Variants in OXR1 observed in about 807,000 individuals in gnomAD.
OXR1 encodes the protein oxidation resistance 1, also known as oxidation resistance protein 1.
In OXR1, 41 loss-of-function variants were observed where a neutral mutation model predicts 104.6. The observed-to-expected ratio is 0.39, with a 90% CI of 0.31 to 0.51. The LOEUF is 0.51. Ranked by LOEUF, OXR1 falls within the 20% of genes least tolerant of loss-of-function variation. The pLI is 0.77. For synonymous variants in OXR1, 348 were observed against 348.4 expected (o/e 1.00, Z 0.01); for missense variants, 955 against 1,031.9 (o/e 0.93, Z 1.02).
intron 2 of OXR1, among the ~76,000 whole-genome samples, chr8:106,407,393 A>G (rs1818285841): frequency 6.6e-6 from 1 of 152,204 alleles, no homozygotes; most frequent in African/African-American, 2.4e-5. Context: ...CTAACTTATT[A>G]GAATTGCTGT....
chr8:106,530,784 G>A (rs376916384), intron 3 of OXR1, among the ~76,000 whole-genome samples: 45 of 152,192 alleles, frequency 3.0e-4, no homozygotes, highest in African/African-American at 1.1e-3. Flanking sequence ...GAAATTTTGT[G>A]ATCATCTGAA....
chr8:106,532,717 C>A (rs1408356211), intron 3 of OXR1, among the ~76,000 whole-genome samples: 1 of 152,160 alleles, frequency 6.6e-6, no homozygotes, highest in African/African-American at 2.4e-5. Flanking sequence ...GCTGTGATTT[C>A]AGGCTTTAAA....
intron 2 of OXR1, among the ~76,000 whole-genome samples, chr8:106,473,443 C>T (rs1294486799): frequency 1.3e-5 from 2 of 151,680 alleles, no homozygotes; most frequent in Non-Finnish European, 1.5e-5. Context: ...CTCATGTTTT[C>T]GTTAGAAAAA....
intron 2 of OXR1, among the ~76,000 whole-genome samples, chr8:106,427,895 T>C (rs1461493856): frequency 6.6e-6 from 1 of 152,236 alleles, no homozygotes; most frequent in Admixed American, 6.5e-5. Context: ...TATTAGCATC[T>C]GTAGCATTCA....
At position 106,359,511 on chromosome 8, in the gene OXR1, C is replaced by A; in HGVS notation, c.-103C>A. The A allele has an allele frequency of 1.3e-6, 1 of 799,618 alleles. No individual in the cohort carries two copies. Among genetic ancestry groups the A allele is most frequent in the Admixed American group, 2.0e-5 (1 of 49,472 alleles). The allele number at this position is 799,618 out of a possible 1,614,324, so 49.5% of individuals were successfully genotyped here. ...ACTGTGAGTAACTAAGTGGTTTGTG[C>A]ATCATTCCAGAAGCAAAGCTAAAAT... On this transcript the variant is annotated 5_prime_UTR_variant, in exon 2 of 17. Transcript: ENST00000517566.
intron 2 of OXR1, among the ~76,000 whole-genome samples, chr8:106,463,207 C>A (rs900961888): frequency 1.3e-5 from 2 of 152,040 alleles, no homozygotes; most frequent in African/African-American, 4.8e-5. Context: ...AAGCTCGATG[C>A]TCTCCTTACT....
intron 1 of OXR1, among the ~76,000 whole-genome samples, chr8:106,346,858 T>A (rs888455853): frequency 6.6e-6 from 1 of 152,076 alleles, no homozygotes; most frequent in Admixed American, 6.5e-5. Context: ...GCTAACACGG[T>A]GAAACCCCGT....
chr8:106,648,324 C>T (rs1824255707), intron 3 of OXR1, among the ~76,000 whole-genome samples: 1 of 152,120 alleles, frequency 6.6e-6, no homozygotes, highest in Non-Finnish European at 1.5e-5. Context: ...CCAATGTAAA[C>T]AAGCAATCAA....
At chr8:106,614,028 G>C (rs1248848476) in intron 3 of OXR1, among the ~76,000 whole-genome samples, 1 of 152,174 alleles carries the variant, frequency 6.6e-6, no homozygotes, top group Non-Finnish European at 1.5e-5. Flanking sequence ...CACACTACAA[G>C]TGAAATTCAC....
intron 1 of OXR1, among the ~76,000 whole-genome samples, chr8:106,311,328 T>C (rs957808853): frequency 6.6e-6 from 1 of 152,190 alleles, no homozygotes; most frequent in Admixed American, 6.5e-5. Flanking sequence ...GTTTCTTTTG[T>C]CTCTGTCTGA....
At chr8:106,406,116 C>A (rs1299921998) in intron 2 of OXR1, among the ~76,000 whole-genome samples, 2 of 152,122 alleles carry the variant, frequency 1.3e-5, no homozygotes, top group Non-Finnish European at 1.5e-5. Context: ...CTGTATCTTA[C>A]CCCGACCTAA....
At chr8:106,387,751 A>C (rs1817435466) in intron 2 of OXR1, among the ~76,000 whole-genome samples, 1 of 152,226 alleles carries the variant, frequency 6.6e-6, no homozygotes, top group South Asian at 2.1e-4. Context: ...CCAGTCATAC[A>C]AGTGCATTCG....
intron 2 of OXR1, among the ~76,000 whole-genome samples, chr8:106,430,409 C>G (rs1563519035): frequency 6.6e-6 from 1 of 152,110 alleles, no homozygotes; most frequent in East Asian, 1.9e-4. Flanking sequence ...TTAATATGTT[C>G]AAAATGAGCT....
At chr8:106,302,364 C>T (rs935463274) in intron 1 of OXR1, among the ~76,000 whole-genome samples, 29 of 152,148 alleles carry the variant, frequency 1.9e-4, no homozygotes, top group African/African-American at 6.7e-4. Flanking sequence ...GGGTGGATCA[C>T]GAGGTCAGGA....
At chr8:106,656,610 C>T (rs1825112128) in intron 3 of OXR1, among the ~76,000 whole-genome samples, 1 of 152,126 alleles carries the variant, frequency 6.6e-6, no homozygotes, top group Non-Finnish European at 1.5e-5. Context: ...CAAGCCACAA[C>T]CCTGAAAACA....
chr8:106,456,148 A>T (rs1445284485), intron 2 of OXR1, among the ~76,000 whole-genome samples: 3 of 152,210 alleles, frequency 2.0e-5, no homozygotes, highest in Non-Finnish European at 4.4e-5. Flanking sequence ...ACTTTTTAAA[A>T]CAATTCTGAG....
At chr8:106,510,648 G>A (rs372246447) in intron 2 of OXR1, among the ~76,000 whole-genome samples, 1 of 152,134 alleles carries the variant, frequency 6.6e-6, no homozygotes, top group Admixed American at 6.5e-5. Flanking sequence ...CTTTATACTG[G>A]CCTAGCCCTT....
In OXR1 at chr8:106,737,524, T is replaced by C; in HGVS notation, c.1961T>C (p.Val654Ala). Reference protein sequence around the residue: ...NQAAAREWEVVSVAEYHRRID... With the variant: ...NQAAAREWEVASVAEYHRRID... Reference sequence around the variant, plus strand: ...TCTTCCTGTCTCCATATTTAGGTAGTGTCAGTGGCTGAGTATCACCGCAGG... The same window carrying C: ...TCTTCCTGTCTCCATATTTAGGTAGCGTCAGTGGCTGAGTATCACCGCAGG... The change falls in exon 12 of 17, where the codon GTG becomes GCG. Residue 654 changes from valine (V) to alanine (A), a missense_variant. Transcript: ENST00000517566. 7.7e-7 allele frequency: 1 copy of C among 1,305,650 alleles called. No individual in the cohort carries two copies. Among genetic ancestry groups the C allele is most frequent in the Non-Finnish European group, 1.0e-6 (1 of 997,830 alleles). 80.9% of individuals were successfully genotyped at this position (1,305,650 alleles called of 1,614,324 possible). A position where few individuals can be genotyped will look rare whatever the true frequency, so the allele number is the denominator to read the frequency against.
intron 1 of OXR1, among the ~76,000 whole-genome samples, chr8:106,326,416 ACT>A (rs1486116657): frequency 6.6e-6 from 1 of 152,196 alleles, no homozygotes; most frequent in African/African-American, 2.4e-5. Context: ...GAAAAAAGTG[ACT>A]CTTGTTTTCC....
Sources: allele counts gnomAD v4.1 joint callset (sites outside exome capture counted in the v4.1 genomes callset), GRCh38; gene constraint gnomAD v4.1.1; transcripts MANE v1.5; gene names NCBI Gene and HGNC (gene_info 2026-07-23, HGNC 2026-07-21).